The following GABBR2 variants were observed in gnomAD, a reference collection of about 807,000 sequenced individuals.
GABBR2 encodes gamma-aminobutyric acid type B receptor subunit 2.
GABBR2 carries 23 observed loss-of-function variants against 105.6 expected under a neutral mutation model. That is an observed-to-expected ratio of 0.22 (90% CI 0.16 to 0.31). The LOEUF is 0.31. Ranked by LOEUF, GABBR2 falls within the 10% of genes least tolerant of loss-of-function variation. The probability of loss-of-function intolerance (pLI) is 1.00; values close to 1 mark genes in which losing one functional copy is unlikely to be tolerated. For missense variants in GABBR2, 734 were observed against 1,245.5 expected, an observed-to-expected ratio of 0.59 and a Z score of 6.18; for synonymous variants, 478 against 499.7, an observed-to-expected ratio of 0.96 and a Z score of 0.58.
At chr9:98,626,601 C>T (rs758932314) in intron 1 of GABBR2, among the ~76,000 whole-genome samples, 1 of 152,020 alleles carries the variant, frequency 6.6e-6, no homozygotes, top group African/African-American at 2.4e-5. Context: ...ACGGGGATAA[C>T]AATACTTATA....
chr9:98,536,572 G>A (rs933201044), intron 3 of GABBR2, among the ~76,000 whole-genome samples: 2 of 151,950 alleles, frequency 1.3e-5, no homozygotes, highest in Non-Finnish European at 1.5e-5. Context: ...TCCTGGGCCC[G>A]CAGTGCCCAT....
intron 1 of GABBR2, among the ~76,000 whole-genome samples, chr9:98,596,609 G>C (rs539905330): frequency 1.4e-4 from 22 of 152,222 alleles, no homozygotes; most frequent in Middle Eastern, 3.4e-3. Context: ...GAAGGAGCCG[G>C]CGATGTGGTC....
intron 12 of GABBR2, among the ~76,000 whole-genome samples, chr9:98,368,785 C>T (rs768704734): frequency 6.6e-6 from 1 of 152,214 alleles, no homozygotes; most frequent in African/African-American, 2.4e-5. Flanking sequence ...AAACCAGAGC[C>T]GCAGAGCAGG....
intron 1 of GABBR2, among the ~76,000 whole-genome samples, chr9:98,604,454 G>T (rs547118244): frequency 6.6e-6 from 1 of 152,148 alleles, no homozygotes; most frequent in Non-Finnish European, 1.5e-5. Context: ...TTTGGGCTCC[G>T]AATGTTTGCT....
At chr9:98,672,156 G>C (rs946893612) in intron 1 of GABBR2, among the ~76,000 whole-genome samples, 2 of 152,092 alleles carry the variant, frequency 1.3e-5, no homozygotes, top group Non-Finnish European at 2.9e-5. Context: ...CCAATTTCCA[G>C]AACTTTTTGT....
chr9:98,698,849 C>T (rs927732850), intron 1 of GABBR2, among the ~76,000 whole-genome samples: 2 of 152,076 alleles, frequency 1.3e-5, no homozygotes, highest in African/African-American at 4.8e-5. Flanking sequence ...ATTCTGTCAC[C>T]ATCAGGGAGA....
intron 9 of GABBR2, among the ~76,000 whole-genome samples, chr9:98,390,353 G>A (rs947517332): frequency 9.0e-5 from 10 of 110,770 alleles, no homozygotes; most frequent in Non-Finnish European, 1.5e-4. Context: ...CAGCCTGGGT[G>A]ACAGAGCAAG....
At chr9:98,426,085 A>G (rs1825680223) in intron 7 of GABBR2, among the ~76,000 whole-genome samples, 1 of 152,184 alleles carries the variant, frequency 6.6e-6, no homozygotes. Flanking sequence ...AGGCTGGCAC[A>G]TGAGGGGTGG....
intron 17 of GABBR2, among the ~76,000 whole-genome samples, chr9:98,297,485 C>A (rs1166182100): frequency 6.6e-6 from 1 of 151,812 alleles, no homozygotes; most frequent in African/African-American, 2.4e-5. Context: ...CAGTGGCAGG[C>A]ACCTGTAATC....
At chr9:98,490,281 G>A (rs1311816407) in intron 4 of GABBR2, among the ~76,000 whole-genome samples, 1 of 152,158 alleles carries the variant, frequency 6.6e-6, no homozygotes, top group African/African-American at 2.4e-5. Context: ...AACTAGAACA[G>A]CATTCCCTAT....
At chr9:98,698,396 GCCC>G (rs1830784315) in intron 1 of GABBR2, among the ~76,000 whole-genome samples, 1 of 152,110 alleles carries the variant, frequency 6.6e-6, no homozygotes, top group African/African-American at 2.4e-5. Context: ...GCAAAAGAAT[GCCC>G]CCATCAGCCC....
At chr9:98,506,020 G>A (rs1827503534) in intron 3 of GABBR2, among the ~76,000 whole-genome samples, 1 of 152,140 alleles carries the variant, frequency 6.6e-6, no homozygotes, top group Admixed American at 6.5e-5. Context: ...CAAGGCCTCT[G>A]GAATGGAACC....
intron 4 of GABBR2, among the ~76,000 whole-genome samples, chr9:98,481,279 C>T (rs1361808038): frequency 6.6e-6 from 1 of 152,228 alleles, no homozygotes; most frequent in Non-Finnish European, 1.5e-5. Flanking sequence ...GCTGACTGCT[C>T]TCAGGGGCCT....
At chr9:98,344,266 G>A (rs915357960) in intron 13 of GABBR2, among the ~76,000 whole-genome samples, 8 of 152,236 alleles carry the variant, frequency 5.3e-5, no homozygotes, top group South Asian at 2.1e-4. Context: ...CTTCAGATCC[G>A]TATGTCCAAC....
chr9:98,321,163 T>C (rs1391084123), intron 13 of GABBR2, among the ~76,000 whole-genome samples: 1 of 151,892 alleles, frequency 6.6e-6, no homozygotes, highest in African/African-American at 2.4e-5. Context: ...TGAGGCAATA[T>C]TTCCTGGATC....
intron 1 of GABBR2, among the ~76,000 whole-genome samples, chr9:98,695,363 G>A (rs1214538135): frequency 6.6e-6 from 1 of 152,174 alleles, no homozygotes; most frequent in East Asian, 1.9e-4. Context: ...TGATTATAAA[G>A]CAGAGTTATA....
At chr9:98,652,123 G>T (rs1263193049) in intron 1 of GABBR2, among the ~76,000 whole-genome samples, 1 of 152,130 alleles carries the variant, frequency 6.6e-6, no homozygotes, top group Non-Finnish European at 1.5e-5. Context: ...TGGTCAAACA[G>T]TTTATTATCA....
chr9:98,352,587 T>C (rs1350729195), intron 13 of GABBR2, among the ~76,000 whole-genome samples: 6 of 152,000 alleles, frequency 3.9e-5, no homozygotes, highest in Admixed American at 3.9e-4. Flanking sequence ...ATGGTGTGCA[T>C]GGATGCTGGT....
At chr9:98,586,109 A>G (rs1829071305) in intron 1 of GABBR2, among the ~76,000 whole-genome samples, 2 of 152,220 alleles carry the variant, frequency 1.3e-5, no homozygotes, top group African/African-American at 4.8e-5. Flanking sequence ...CTCACAGAAA[A>G]TATTCCATAT....
Sources: gnomAD v4.1 joint callset for allele counts (sites outside exome capture counted in the v4.1 genomes callset) on GRCh38, gnomAD v4.1.1 for gene constraint, MANE v1.5 for transcripts, NCBI Gene and HGNC (gene_info 2026-07-23, HGNC 2026-07-21) for gene names.